The following RIMS1 variants were observed in gnomAD, a reference collection of about 807,000 sequenced individuals.
RIMS1 encodes regulating synaptic membrane exocytosis 1.
A neutral mutation model predicts 214.1 loss-of-function variants in RIMS1; 83 were observed. That is an observed-to-expected ratio of 0.39 (90% confidence interval 0.32 to 0.47). The LOEUF (loss-of-function observed/expected upper bound fraction) is 0.47. Among genes scored for constraint, RIMS1 ranks in the 20% least tolerant of loss-of-function variants. The pLI is 0.99. For synonymous variants in RIMS1, 793 were observed against 786.8 expected (o/e 1.01, Z -0.13); for missense variants, 2,050 against 2,161.8 (o/e 0.95, Z 1.03).
At chr6:72,327,777 T>G (rs2096529684) in intron 28 of RIMS1, among the ~76,000 whole-genome samples, 1 of 151,854 alleles carries the variant, frequency 6.6e-6, no homozygotes, top group East Asian at 1.9e-4. Flanking sequence ...TCAAACTACT[T>G]TGCTATCTTC....
At chr6:72,304,091 C>T (rs1454735430) in intron 26 of RIMS1, among the ~76,000 whole-genome samples, 1 of 151,108 alleles carries the variant, frequency 6.6e-6, no homozygotes, top group Non-Finnish European at 1.5e-5. Flanking sequence ...GATTATGTGG[C>T]ATTTATGAAA....
intron 26 of RIMS1, among the ~76,000 whole-genome samples, chr6:72,300,378 C>A (rs1444035193): frequency 6.6e-6 from 1 of 151,720 alleles, no homozygotes; most frequent in Non-Finnish European, 1.5e-5. Flanking sequence ...ATATGTTCCC[C>A]AAATATTGTA....
At chr6:72,147,054 T>C (rs1239838730) in intron 4 of RIMS1, among the ~76,000 whole-genome samples, 1 of 152,230 alleles carries the variant, frequency 6.6e-6, no homozygotes, top group East Asian at 1.9e-4. Context: ...TTAAAGCATT[T>C]AGCAAACCTA....
chr6:72,398,101 T>C, intron 31 of RIMS1, 148 bp from the exon 32 acceptor site: 1 of 494,244 alleles, frequency 2.0e-6, no homozygotes, highest in Non-Finnish European at 3.6e-6. Flanking sequence ...GAAAGAAAAG[T>C]GGATTGTGGA....
chr6:72,147,834 T>C (rs973429858), intron 4 of RIMS1, among the ~76,000 whole-genome samples: 2 of 152,158 alleles, frequency 1.3e-5, no homozygotes, highest in South Asian at 2.1e-4. Flanking sequence ...TTTGAACTCA[T>C]AGAGGGGCAG....
intron 28 of RIMS1, among the ~76,000 whole-genome samples, chr6:72,330,024 C>G (rs764410453): frequency 3.5e-4 from 53 of 151,738 alleles, no homozygotes; most frequent in Non-Finnish European, 7.1e-4. Context: ...CTGTGGAGTT[C>G]AGTTCATGTA....
intron 1 of RIMS1, among the ~76,000 whole-genome samples, chr6:71,892,081 A>G (rs956973909): frequency 2.6e-5 from 4 of 152,186 alleles, no homozygotes; most frequent in African/African-American, 9.7e-5. Flanking sequence ...GAGTCAAAGT[A>G]AATTTGCCTG....
intron 2 of RIMS1, among the ~76,000 whole-genome samples, chr6:72,003,195 T>C (rs567420692): frequency 2.6e-4 from 39 of 152,300 alleles, no homozygotes; most frequent in African/African-American, 8.9e-4. Flanking sequence ...ATCGACACCC[T>C]GATGTGCTTA....
intron 2 of RIMS1, among the ~76,000 whole-genome samples, chr6:72,058,385 A>G (rs1345422342): frequency 1.3e-5 from 2 of 152,218 alleles, no homozygotes; most frequent in Non-Finnish European, 2.9e-5. Flanking sequence ...AGATAGAAAT[A>G]CCCAGAAACT....
At position 72,182,390 on chromosome 6, in the gene RIMS1, G is replaced by A. The variant is rs753467293; in HGVS notation, c.919G>A (p.Glu307Lys). The A allele has an allele frequency of 6.2e-7, 1 of 1,613,940 alleles. No individual in the cohort carries two copies. The highest frequency in any genetic ancestry group is 1.1e-5 in the South Asian group (1 of 91,086). The change falls in exon 6 of 34, where the codon GAA becomes AAA. Residue 307 changes from glutamate to lysine, a missense_variant. Glu to Lys is a moderately conservative substitution (Grantham distance 56). Coordinates refer to ENST00000521978, the MANE Select transcript of RIMS1 (RefSeq NM_014989.7). ...GCAGCCCGTGGAGGGGGCCGTCGAA[G>A]AACGGGAGCGCAAAGAAAGGCGGGA... Reference protein sequence around the residue: ...SAQPVEGAVEERERKERRESR... With the variant: ...SAQPVEGAVEKRERKERRESR...
chr6:72,005,346 C>T (rs932798615), intron 2 of RIMS1, among the ~76,000 whole-genome samples: 4 of 152,188 alleles, frequency 2.6e-5, no homozygotes, highest in Admixed American at 6.5e-5. Flanking sequence ...ATTGACTTGG[C>T]GATGCGGGCT....
At chr6:72,247,543 A>C (rs1453890340) in intron 11 of RIMS1, among the ~76,000 whole-genome samples, 2 of 151,932 alleles carry the variant, frequency 1.3e-5, no homozygotes, top group South Asian at 4.2e-4. Flanking sequence ...CTCAAAAAAA[A>C]AAAAAAAAAA....
At chr6:71,900,958 G>A (rs544063985) in intron 1 of RIMS1, among the ~76,000 whole-genome samples, 3 of 152,002 alleles carry the variant, frequency 2.0e-5, no homozygotes, top group African/African-American at 7.2e-5. Flanking sequence ...GAGGACAATA[G>A]CCCTGCAAAA....
chr6:71,940,610 T>A (rs922472031), intron 1 of RIMS1, among the ~76,000 whole-genome samples: 10 of 152,256 alleles, frequency 6.6e-5, no homozygotes, highest in African/African-American at 2.4e-4. Flanking sequence ...ACTATTGCAA[T>A]AGGGGAGAGA....
chr6:72,349,654 G>A (rs1374548412), intron 29 of RIMS1, among the ~76,000 whole-genome samples: 3 of 151,760 alleles, frequency 2.0e-5, no homozygotes, highest in Non-Finnish European at 4.4e-5. Flanking sequence ...TTAAAGGAAA[G>A]GATATTGATT....
At chr6:72,326,900 A>G (rs2096491404) in intron 28 of RIMS1, among the ~76,000 whole-genome samples, 2 of 151,832 alleles carry the variant, frequency 1.3e-5, no homozygotes, top group African/African-American at 4.8e-5. Context: ...AGACAGAGAT[A>G]TGACAATAGA....
In RIMS1 at chr6:72,273,420, A is replaced by G. The variant is rs543902228; in HGVS notation, c.3399-929A>G. ...AAATATCCTGTTAGAATTTTCATAT[A>G]TAATAAATAAAAAATTTTAATTCTG... On this transcript the variant is annotated intron_variant, in intron 22 of 33. Transcript: ENST00000521978. Among the ~76,000 whole-genome samples, 24 of 152,228 alleles carry G rather than the reference A, an allele frequency of 1.6e-4. No homozygotes were observed. The South Asian group carries it at 5.0e-3, about 32-fold the overall frequency.
intron 4 of RIMS1, among the ~76,000 whole-genome samples, chr6:72,173,419 T>C (rs2047293844): frequency 6.6e-6 from 1 of 152,134 alleles, no homozygotes; most frequent in Non-Finnish European, 1.5e-5. Context: ...ATTTTGTTCT[T>C]TTTTTCTAGA....
intron 19 of RIMS1, chr6:72,263,268 C>CT: frequency 1.0e-6 from 1 of 985,036 alleles, no homozygotes; most frequent in Non-Finnish European, 1.2e-6. Flanking sequence ...ATTTCCCAAC[C>CT]TTTTTTTAGT....
Sources: allele counts gnomAD v4.1 joint callset (sites outside exome capture counted in the v4.1 genomes callset), GRCh38; gene constraint gnomAD v4.1.1; transcripts MANE v1.5; gene names NCBI Gene and HGNC (gene_info 2026-07-23, HGNC 2026-07-21).